ZCWPW2: variants seen among roughly 807,000 people sequenced by gnomAD.
ZCWPW2 encodes the protein zinc finger CW-type PWWP domain protein 2.
In ZCWPW2, 45 loss-of-function variants were observed where a neutral mutation model predicts 46.6. The ratio of observed to expected loss-of-function variants is 0.96; its 90% CI spans 0.76 to 1.24. The LOEUF is 1.24. ZCWPW2 is among the 50% of genes most tolerant of loss of function. The pLI is 0.00. For missense variants in ZCWPW2, 429 were observed against 403.9 expected (o/e 1.06, Z -0.53); for synonymous variants, 152 against 137.1 (o/e 1.11, Z -0.76).
At chr3:28,439,480 C>A (rs1242811235) in intron 4 of ZCWPW2, among the ~76,000 whole-genome samples, 4 of 152,104 alleles carry the variant, frequency 2.6e-5, no homozygotes, top group African/African-American at 4.8e-5. Context: ...TTTGGCAACA[C>A]CCTCACAGAC....
At chr3:28,492,725 T>TC (rs1699852816) in intron 6 of ZCWPW2, among the ~76,000 whole-genome samples, 1 of 152,140 alleles carries the variant, frequency 6.6e-6, no homozygotes, top group Admixed American at 6.6e-5. Context: ...GGCAAAAACT[T>TC]GGTTGGGATA....
chr3:28,414,483 T>C (rs1329990142), intron 3 of ZCWPW2, among the ~76,000 whole-genome samples: 1 of 151,990 alleles, frequency 6.6e-6, no homozygotes, highest in Non-Finnish European at 1.5e-5. Context: ...GTACTTTAAG[T>C]TTTAGGGTAC....
chr3:28,412,545 C>T (rs999093689), intron 2 of ZCWPW2, among the ~76,000 whole-genome samples: 1 of 151,914 alleles, frequency 6.6e-6, no homozygotes, highest in Non-Finnish European at 1.5e-5. Flanking sequence ...ATTTAAATTC[C>T]AGCTCTACTG....
intron 2 of ZCWPW2, among the ~76,000 whole-genome samples, chr3:28,398,665 C>T (rs1182192026): frequency 6.6e-6 from 1 of 152,162 alleles, no homozygotes; most frequent in Admixed American, 6.5e-5. Flanking sequence ...CAAATACACA[C>T]CCCCATGGAG....
intron 1 of ZCWPW2, among the ~76,000 whole-genome samples, chr3:28,368,607 C>T (rs1705207231): frequency 6.6e-6 from 1 of 152,132 alleles, no homozygotes. Context: ...TCCTTCATTT[C>T]AACGTTGGTG....
intron 4 of ZCWPW2, among the ~76,000 whole-genome samples, chr3:28,445,977 G>A (rs1383241919): frequency 6.6e-6 from 1 of 152,092 alleles, no homozygotes; most frequent in Non-Finnish European, 1.5e-5. Context: ...AGCAAGAAGA[G>A]ATAGCTATTA....
Position 28,396,958 on chromosome 3 carries a change from G to A in ZCWPW2, c.-14+6341G>A, listed in dbSNP as rs376775203. ...AGCCTGGCCAACATGGCAAAACTCC[G>A]TCTCTATTAAAAATACAAAAATTAG... On this transcript the variant is annotated intron_variant, in intron 2 of 9. Transcript: ENST00000383768. 1.4e-4 allele frequency among the ~76,000 whole-genome samples: 22 copies of A among 152,120 alleles called. No individual in the cohort carries two copies. The South Asian group carries it at 2.3e-3, about 16-fold the overall frequency.
intron 4 of ZCWPW2, among the ~76,000 whole-genome samples, chr3:28,461,324 G>A (rs975870827): frequency 2.6e-5 from 4 of 151,820 alleles, no homozygotes; most frequent in African/African-American, 9.7e-5. Context: ...TTTAAAGTTA[G>A]GTACCATTTT....
At chr3:28,467,363 A>G (rs951870890) in intron 4 of ZCWPW2, among the ~76,000 whole-genome samples, 5 of 151,670 alleles carry the variant, frequency 3.3e-5, no homozygotes, top group African/African-American at 4.9e-5. Context: ...ATTATTTTAC[A>G]GTCAGTAAGA....
At chr3:28,446,952 C>T (rs1698017803) in intron 4 of ZCWPW2, among the ~76,000 whole-genome samples, 1 of 152,024 alleles carries the variant, frequency 6.6e-6, no homozygotes, top group Non-Finnish European at 1.5e-5. Context: ...CAGAATCTAG[C>T]AAAACTAAAG....
intron 4 of ZCWPW2, among the ~76,000 whole-genome samples, chr3:28,469,370 C>T (rs1212545292): frequency 6.6e-6 from 1 of 151,888 alleles, no homozygotes; most frequent in Non-Finnish European, 1.5e-5. Context: ...CCTTTCTTAT[C>T]GATAATAACA....
At chr3:28,354,019 C>T (rs1182355970) in intron 1 of ZCWPW2, among the ~76,000 whole-genome samples, 4 of 152,178 alleles carry the variant, frequency 2.6e-5, no homozygotes, top group African/African-American at 9.7e-5. Context: ...GAGCACCTAT[C>T]ATGTGCCAGA....
chr3:28,478,289 A>G, intron 4 of ZCWPW2: 1 of 313,952 alleles, frequency 3.2e-6, no homozygotes, highest in Non-Finnish European at 6.6e-6. Flanking sequence ...TCTCACCTAG[A>G]CTGGAGTGCA....
chr3:28,493,127 T>C (rs1322190949), intron 6 of ZCWPW2, among the ~76,000 whole-genome samples: 1 of 116,060 alleles, frequency 8.6e-6, no homozygotes, highest in Non-Finnish European at 1.7e-5. Context: ...ATCTTTATTT[T>C]TTTTTATTTT....
intron 3 of ZCWPW2, among the ~76,000 whole-genome samples, chr3:28,434,521 T>C (rs1176442520): frequency 6.6e-6 from 1 of 152,228 alleles, no homozygotes; most frequent in Non-Finnish European, 1.5e-5. Flanking sequence ...TGTTGAAGAT[T>C]TTTTAACAAT....
Position 28,349,218 on chromosome 3 carries a change from A to G in ZCWPW2, c.-134+15A>G, listed in dbSNP as rs565305500. 2.1e-5 allele frequency: 21 copies of G among 985,064 alleles called. No individual in the cohort carries two copies. The highest frequency in any genetic ancestry group is 2.2e-5 in the Non-Finnish European group (18 of 829,626). 61.0% of individuals were successfully genotyped at this position (985,064 alleles called of 1,614,324 possible). A position where few individuals can be genotyped will look rare whatever the true frequency, so the allele number is the denominator to read the frequency against. On this transcript the variant is annotated intron_variant, in intron 1 of 9. Transcript: ENST00000383768. ...AGTGGAGTTAGGTAAGAGCGTTACC[A>G]GCCGTCTTGTCTGTTGGGCCGAGGT...
chr3:28,403,829 T>G (rs1696045154), intron 2 of ZCWPW2, among the ~76,000 whole-genome samples: 1 of 152,098 alleles, frequency 6.6e-6, no homozygotes, highest in African/African-American at 2.4e-5. Context: ...GCTGGGATAA[T>G]TGGCTAGCCA....
At chr3:28,506,298 G>A (rs2125828214) in intron 6 of ZCWPW2, among the ~76,000 whole-genome samples, 1 of 151,956 alleles carries the variant, frequency 6.6e-6, no homozygotes, top group Admixed American at 6.6e-5. Flanking sequence ...ATTTGCTTGA[G>A]AGTCATCTAA....
At chr3:28,503,484 TCACTC>T (rs1429207171) in intron 6 of ZCWPW2, among the ~76,000 whole-genome samples, 1 of 152,110 alleles carries the variant, frequency 6.6e-6, no homozygotes, top group Admixed American at 6.6e-5. Context: ...ATCATCATCT[TCACTC>T]CATTCCATCA....
Sources: gnomAD v4.1 joint callset for allele counts (sites outside exome capture counted in the v4.1 genomes callset) on GRCh38, gnomAD v4.1.1 for gene constraint, MANE v1.5 for transcripts, NCBI Gene and HGNC (gene_info 2026-07-23, HGNC 2026-07-21) for gene names.